Variants in SLC25A21 observed in about 807,000 individuals in gnomAD.
SLC25A21 encodes mitochondrial 2-oxodicarboxylate carrier.
SLC25A21 carries 47 observed loss-of-function variants against 43.8 expected under a neutral mutation model. That is an observed-to-expected ratio of 1.07 (90% CI 0.85 to 1.37). SLC25A21 has a LOEUF of 1.37. Ranked by LOEUF, SLC25A21 falls within the 40% of genes most tolerant of loss-of-function variation. The pLI is 0.00. For synonymous variants in SLC25A21, 131 were observed against 121.3 expected (o/e 1.08, Z -0.52); for missense variants, 352 against 350.2 (o/e 1.00, Z -0.04).
chr14:37,074,432 A>G (rs1456039995), intron 1 of SLC25A21, among the ~76,000 whole-genome samples: 2 of 152,162 alleles, frequency 1.3e-5, no homozygotes, highest in East Asian at 3.9e-4. Context: ...TATTCTTTCA[A>G]CCTGGCTCTG....
At chr14:36,764,551 C>CCAAAA (rs3061622) in intron 3 of SLC25A21, among the ~76,000 whole-genome samples, 59,371 of 126,070 alleles carry the variant, frequency 0.47, 15,891 homozygotes, top group Non-Finnish European at 0.59. Context: ...AAAAAAAAAG[C>CCAAAA]CAAAACAAAA....
intron 1 of SLC25A21, among the ~76,000 whole-genome samples, chr14:37,128,115 C>A (rs1211308065): frequency 6.6e-6 from 1 of 152,180 alleles, no homozygotes; most frequent in East Asian, 1.9e-4. Context: ...CTGTTCATCT[C>A]CTTACTTCCC....
At chr14:36,847,061 G>C (rs1889567676) in intron 2 of SLC25A21, among the ~76,000 whole-genome samples, 1 of 152,178 alleles carries the variant, frequency 6.6e-6, no homozygotes, top group African/African-American at 2.4e-5. Context: ...CAGAATTATT[G>C]ATTATGGGAT....
chr14:36,844,281 C>A (rs904550916), intron 2 of SLC25A21, among the ~76,000 whole-genome samples: 1 of 152,182 alleles, frequency 6.6e-6, no homozygotes, highest in African/African-American at 2.4e-5. Flanking sequence ...TTACAGCTCC[C>A]CTTCAATTAC....
At chr14:37,076,919 C>T (rs536237144) in intron 1 of SLC25A21, among the ~76,000 whole-genome samples, 5 of 152,228 alleles carry the variant, frequency 3.3e-5, no homozygotes, top group East Asian at 1.9e-4. Flanking sequence ...AATAAAGCAA[C>T]GTCTCTCTAT....
intron 1 of SLC25A21, among the ~76,000 whole-genome samples, chr14:36,946,364 G>T (rs1364278413): frequency 6.6e-6 from 1 of 152,194 alleles, no homozygotes; most frequent in East Asian, 1.9e-4. Context: ...TTGTACAGGA[G>T]AAAGAAAGTG....
intron 1 of SLC25A21, among the ~76,000 whole-genome samples, chr14:36,947,961 G>C (rs1241619554): frequency 6.6e-6 from 1 of 152,148 alleles, no homozygotes; most frequent in Admixed American, 6.6e-5. Context: ...TGTTGAGTTA[G>C]TAACCAGATA....
intron 1 of SLC25A21, among the ~76,000 whole-genome samples, chr14:36,886,444 G>T (rs1266767089): frequency 6.6e-6 from 1 of 152,166 alleles, no homozygotes; most frequent in African/African-American, 2.4e-5. Context: ...TTTTTTAAAC[G>T]TAACTAACAC....
At chr14:36,744,132 C>T (rs1399743575) in intron 3 of SLC25A21, among the ~76,000 whole-genome samples, 1 of 152,080 alleles carries the variant, frequency 6.6e-6, no homozygotes, top group Non-Finnish European at 1.5e-5. Flanking sequence ...TCTACAGATT[C>T]AATGCAATTT....
chr14:37,170,442 T>G (rs1297426180), intron 1 of SLC25A21, among the ~76,000 whole-genome samples: 1 of 152,194 alleles, frequency 6.6e-6, no homozygotes, highest in Non-Finnish European at 1.5e-5. Context: ...TAGCTTAGGA[T>G]GTTAATCAAT....
intron 1 of SLC25A21, among the ~76,000 whole-genome samples, chr14:36,968,651 A>G (rs1350316265): frequency 6.6e-6 from 1 of 152,090 alleles, no homozygotes; most frequent in East Asian, 1.9e-4. Flanking sequence ...AAGTTTTCCA[A>G]CTGTTTTGTC....
At chr14:37,054,307 C>T (rs984898616) in intron 1 of SLC25A21, among the ~76,000 whole-genome samples, 2 of 152,166 alleles carry the variant, frequency 1.3e-5, no homozygotes, top group African/African-American at 4.8e-5. Context: ...TGAATATCAC[C>T]AAGTGACCAC....
intron 1 of SLC25A21, among the ~76,000 whole-genome samples, chr14:37,165,209 T>C (rs1964011551): frequency 6.6e-6 from 1 of 152,096 alleles, no homozygotes; most frequent in Non-Finnish European, 1.5e-5. Context: ...AAACCTCATC[T>C]CTACTAAAAA....
chr14:36,902,948 G>T (rs894399167), intron 1 of SLC25A21, among the ~76,000 whole-genome samples: 1 of 152,128 alleles, frequency 6.6e-6, no homozygotes, highest in African/African-American at 2.4e-5. Flanking sequence ...TTGCACCACT[G>T]TACTCCAGCT....
intron 1 of SLC25A21, among the ~76,000 whole-genome samples, chr14:37,145,438 A>G (rs1331753236): frequency 2.2e-5 from 2 of 89,834 alleles, no homozygotes; most frequent in Non-Finnish European, 4.3e-5. Flanking sequence ...CTAAAATACT[A>G]AAATACACAC....
chr14:37,141,076 C>T (rs953362314), intron 1 of SLC25A21, among the ~76,000 whole-genome samples: 12 of 151,990 alleles, frequency 7.9e-5, no homozygotes, highest in South Asian at 4.2e-4. Context: ...ACCAGGGAAG[C>T]GGAGGTTGCA....
intron 5 of SLC25A21, among the ~76,000 whole-genome samples, chr14:36,726,754 G>T (rs1594527448): frequency 6.6e-6 from 1 of 152,100 alleles, no homozygotes; most frequent in Non-Finnish European, 1.5e-5. Flanking sequence ...AACAGATGCT[G>T]GAAAAAAGGT....
intron 1 of SLC25A21, among the ~76,000 whole-genome samples, chr14:37,051,822 C>T (rs1160549731): frequency 2.0e-5 from 3 of 152,140 alleles, no homozygotes; most frequent in Admixed American, 6.5e-5. Context: ...AATACTCTGA[C>T]CTCATTGTCC....
At chr14:36,802,240 A>G (rs965416790) in intron 3 of SLC25A21, among the ~76,000 whole-genome samples, 3 of 152,186 alleles carry the variant, frequency 2.0e-5, no homozygotes, top group Non-Finnish European at 4.4e-5. Flanking sequence ...ATATGAAACT[A>G]GTAATTATTC....
Sources: allele counts gnomAD v4.1 joint callset (sites outside exome capture counted in the v4.1 genomes callset), GRCh38; gene constraint gnomAD v4.1.1; transcripts MANE v1.5; gene names NCBI Gene and HGNC (gene_info 2026-07-23, HGNC 2026-07-21).